UNC5B: variants seen among roughly 807,000 people sequenced by gnomAD.
The protein encoded by UNC5B is unc-5 netrin receptor B.
In UNC5B, 56 loss-of-function variants were observed where a neutral mutation model predicts 103.7. That is an observed-to-expected ratio of 0.54 (90% CI 0.44 to 0.67). The LOEUF (loss-of-function observed/expected upper bound fraction) is 0.67, where lower values mean the gene tolerates loss of function less well. UNC5B is among the 30% of genes least tolerant of loss of function. The pLI is 0.00. For synonymous variants in UNC5B, 577 were observed against 542.0 expected (o/e 1.06, Z -0.90); for missense variants, 1,194 against 1,284.5 (o/e 0.93, Z 1.08).
intron 1 of UNC5B, among the ~76,000 whole-genome samples, chr10:71,249,246 T>C (rs1844119330): frequency 6.6e-6 from 1 of 152,152 alleles, no homozygotes; most frequent in Non-Finnish European, 1.5e-5. Flanking sequence ...TCAGGCATGC[T>C]CCCCTCCAGA....
At chr10:71,285,469 G>A in intron 4 of UNC5B, 40 bp downstream of exon 4, 1 of 1,513,056 alleles carries the variant, frequency 6.6e-7, no homozygotes, top group Non-Finnish European at 8.9e-7. Flanking sequence ...CGGCCCTGTG[G>A]CCATGCCTGC....
intron 4 of UNC5B, 33 bp downstream of exon 4, chr10:71,285,462 C>T: frequency 6.5e-7 from 1 of 1,533,534 alleles, no homozygotes. Context: ...CTGAGCACGG[C>T]CCTGTGGCCA....
chr10:71,272,283 C>T (rs1051158132), intron 1 of UNC5B, among the ~76,000 whole-genome samples: 3 of 152,146 alleles, frequency 2.0e-5, no homozygotes, highest in African/African-American at 4.8e-5. Flanking sequence ...CCTCACCTCC[C>T]GCCTGACTCC....
chr10:71,282,302 G>GTCCT (rs1232714279), intron 2 of UNC5B, among the ~76,000 whole-genome samples: 4 of 152,314 alleles, frequency 2.6e-5, no homozygotes, highest in Admixed American at 2.6e-4. Context: ...ATGCCAGATT[G>GTCCT]GGGCAGGCAG....
At chr10:71,265,104 G>A (rs1358793053) in intron 1 of UNC5B, among the ~76,000 whole-genome samples, 1 of 152,048 alleles carries the variant, frequency 6.6e-6, no homozygotes, top group African/African-American at 2.4e-5. Context: ...CTAATGATAA[G>A]AATACCTACC....
rs933117065 is a variant in UNC5B, at chr10:71,213,989, G to A, written c.79+925G>A. Among the ~76,000 whole-genome samples the A allele has an allele frequency of 2.6e-5, 4 of 151,898 alleles. No individual in the cohort carries two copies. In the South Asian group the frequency reaches 6.3e-4, roughly 24 times the overall value. On this transcript the variant is annotated intron_variant, in intron 1 of 16. Coordinates refer to ENST00000335350, the MANE Select transcript of UNC5B (RefSeq NM_170744.5). The surrounding 1 kb of genome is among the most constrained non-coding windows in gnomAD (Gnocchi z 4.1). ...TCTCGCTCGTCCTGTAGCTGGACCC[G>A]GCGTCGCTGGCTGGGCTGCGTCTTC...
Position 71,293,804 on chromosome 10 carries a change from C to T in UNC5B, c.2046C>T (p.Phe682=), listed in dbSNP as rs148315869. The T allele has an allele frequency of 9.6e-5, 154 of 1,608,810 alleles. No homozygotes were observed. In the African/African-American group the frequency reaches 1.8e-3, roughly 18 times the overall value. Residue 682 remains phenylalanine, a synonymous_variant, in exon 13 of 17, where the codon TTC becomes TTT. Coordinates refer to ENST00000335350, the MANE Select transcript of UNC5B (RefSeq NM_170744.5). ...ILLDQLGTYV[F]TGESYSRSAV... ...TGGACCAGCTGGGCACCTACGTGTT[C>T]ACGGGCGAGTCCTATTCCCGCTCAG...
chr10:71,224,364 G>GACGCAC (rs1197780490), intron 1 of UNC5B, among the ~76,000 whole-genome samples: 1,529 of 97,332 alleles, frequency 0.016, 151 homozygotes, highest in South Asian at 0.022. Flanking sequence ...TCTGTATGTA[G>GACGCAC]ACACACACAC....
intron 1 of UNC5B, among the ~76,000 whole-genome samples, chr10:71,258,810 T>G (rs78894049): frequency 6.6e-6 from 1 of 152,324 alleles, no homozygotes; most frequent in Non-Finnish European, 1.5e-5. Flanking sequence ...AGGAGTTGAT[T>G]CCCAACCCAG....
At chr10:71,289,012 T>C (rs1845175594) in intron 8 of UNC5B, 22 bp downstream of exon 8, 1 of 1,614,180 alleles carries the variant, frequency 6.2e-7, no homozygotes, top group South Asian at 1.1e-5. Flanking sequence ...TTCATGGCTG[T>C]CCTCTTTCCT....
At chr10:71,274,172 C>A (rs1844710296) in intron 1 of UNC5B, among the ~76,000 whole-genome samples, 1 of 152,172 alleles carries the variant, frequency 6.6e-6, no homozygotes, top group South Asian at 2.1e-4. Flanking sequence ...ACCAGCCTGG[C>A]CAAGATAGTG....
At chr10:71,270,211 G>C (rs1368251329) in intron 1 of UNC5B, among the ~76,000 whole-genome samples, 2 of 152,058 alleles carry the variant, frequency 1.3e-5, no homozygotes, top group African/African-American at 4.8e-5. Context: ...TTAGCTGGGC[G>C]TGGTGGTATG....
intron 1 of UNC5B, among the ~76,000 whole-genome samples, chr10:71,245,883 G>T (rs2132264321): frequency 6.6e-6 from 1 of 152,334 alleles, no homozygotes; most frequent in Middle Eastern, 3.4e-3. Context: ...TATCAGCTCT[G>T]TTGGTCTCAG....
At chr10:71,288,449 A>G (rs995422212) in intron 6 of UNC5B, 119 bp from the exon 7 acceptor site, 2 of 1,434,278 alleles carry the variant, frequency 1.4e-6, no homozygotes, top group Non-Finnish European at 1.9e-6. Context: ...TGGGTTCCTC[A>G]TTTCCTTCCA....
intron 1 of UNC5B, among the ~76,000 whole-genome samples, chr10:71,232,513 G>A (rs1016627495): frequency 2.0e-5 from 3 of 152,276 alleles, no homozygotes; most frequent in African/African-American, 2.4e-5. Context: ...TCAGCACGGG[G>A]CTGGAGGGGG....
At chr10:71,242,213 G>GAC (rs1843919320) in intron 1 of UNC5B, among the ~76,000 whole-genome samples, 1 of 151,956 alleles carries the variant, frequency 6.6e-6, no homozygotes, top group Non-Finnish European at 1.5e-5. Context: ...CCGTGGCCCA[G>GAC]ACCCTGTGTC....
In UNC5B at chr10:71,212,952, T is replaced by G. The variant is rs1330015010; in HGVS notation, c.-34T>G. On this transcript the variant is annotated 5_prime_UTR_variant, in exon 1 of 17. Transcript: ENST00000335350. Reference sequence around the variant, plus strand: ...GAGACTGGGGCCAGGGAGACAGCCCTGGGGGAGAGGCGCCCGAACCAGGCC... The same window carrying G: ...GAGACTGGGGCCAGGGAGACAGCCCGGGGGGAGAGGCGCCCGAACCAGGCC... The G allele has an allele frequency of 7.6e-7, 1 of 1,310,748 alleles. No individual in the cohort carries two copies. Among genetic ancestry groups the G allele is most frequent in the Non-Finnish European group, 9.7e-7 (1 of 1,028,408 alleles). 81.2% of individuals were successfully genotyped at this position (1,310,748 alleles called of 1,614,324 possible). A position where few individuals can be genotyped will look rare whatever the true frequency, so the allele number is the denominator to read the frequency against.
chr10:71,229,072 G>C (rs982378641), intron 1 of UNC5B, among the ~76,000 whole-genome samples: 1 of 152,204 alleles, frequency 6.6e-6, no homozygotes, highest in African/African-American at 2.4e-5. Context: ...TGGGCGGTGA[G>C]GGAATCGAAC....
intron 1 of UNC5B, among the ~76,000 whole-genome samples, chr10:71,244,363 G>T (rs1843974964): frequency 6.6e-6 from 1 of 152,240 alleles, no homozygotes; most frequent in Non-Finnish European, 1.5e-5. Context: ...CTAAACTTGG[G>T]TGTTAAGGTT....
Sources: gnomAD v4.1 joint callset for allele counts (sites outside exome capture counted in the v4.1 genomes callset) on GRCh38, gnomAD v4.1.1 for gene constraint, Gnocchi (gnomAD v3.1) non-coding constraint, MANE v1.5 for transcripts, NCBI Gene and HGNC (gene_info 2026-07-23, HGNC 2026-07-21) for gene names.